Variants in AK7 observed in about 807,000 individuals in gnomAD.
AK7 encodes the protein ATP-AMP transphosphorylase 7.
AK7 carries 78 observed loss-of-function variants against 96.6 expected under a neutral mutation model. That is an observed-to-expected ratio of 0.81 (90% CI 0.67 to 0.97). AK7 has a LOEUF of 0.97. AK7 is among the 50% of genes least tolerant of loss of function. The pLI, the probability that AK7 is intolerant of heterozygous loss-of-function variation, is 0.00. For missense variants in AK7, 855 were observed against 887.9 expected (o/e 0.96, Z 0.47); for synonymous variants, 302 against 317.2 (o/e 0.95, Z 0.51).
At chr14:96,486,874 T>G (rs1211973731) in intron 16 of AK7, 24 bp from the exon 17 acceptor site, 5 of 1,609,536 alleles carry the variant, frequency 3.1e-6, no homozygotes, top group Admixed American at 1.7e-5. Flanking sequence ...CACATTTACT[T>G]TACCACCAAA....
intron 4 of AK7, among the ~76,000 whole-genome samples, chr14:96,413,730 T>A (rs1205312577): frequency 6.6e-6 from 1 of 152,246 alleles, no homozygotes; most frequent in Non-Finnish European, 1.5e-5. Flanking sequence ...TACATTATGC[T>A]TAATTGAAAT....
In AK7 at chr14:96,399,367, C is replaced by A. The variant is rs894231793; in HGVS notation, c.294+1104C>A. The A allele has an allele frequency of 1.3e-5, 2 of 152,504 alleles. No individual in the cohort carries two copies. The highest frequency in any genetic ancestry group is 4.8e-5 in the African/African-American group (2 of 41,434). The allele number at this position is 152,504 out of a possible 1,614,324, so 9.4% of individuals were successfully genotyped here. ...CCCCTGTCTTCCGGGTATTCTTTCCCATTCACCTCCCTTCTCTCTCTTCTT... is the reference window on the plus strand; with the variant it reads ...CCCCTGTCTTCCGGGTATTCTTTCCAATTCACCTCCCTTCTCTCTCTTCTT... On this transcript the variant is annotated intron_variant, in intron 2 of 17. Transcript: ENST00000267584. The surrounding 1 kb of genome is among the most constrained non-coding windows in gnomAD (Gnocchi z 4.1).
chr14:96,451,310 G>A (rs952123750), intron 9 of AK7, 111 bp from the exon 10 acceptor site: 15 of 925,632 alleles, frequency 1.6e-5, no homozygotes, highest in South Asian at 4.7e-5. Flanking sequence ...TGACTTCCAC[G>A]TTTAGTGAAT....
At chr14:96,405,386 G>A (rs1444016014) in intron 3 of AK7, among the ~76,000 whole-genome samples, 1 of 151,112 alleles carries the variant, frequency 6.6e-6, no homozygotes, top group African/African-American at 2.4e-5. Context: ...GACTTGCTAT[G>A]TTGTCCAGGC....
At chr14:96,395,539 T>G (rs1890016822) in intron 1 of AK7, among the ~76,000 whole-genome samples, 1 of 151,680 alleles carries the variant, frequency 6.6e-6, no homozygotes, top group Non-Finnish European at 1.5e-5. Flanking sequence ...ATGAACATGA[T>G]TGAGATTAGG....
intron 10 of AK7, among the ~76,000 whole-genome samples, chr14:96,454,367 A>G (rs1167814885): frequency 6.6e-6 from 1 of 152,096 alleles, no homozygotes; most frequent in Non-Finnish European, 1.5e-5. Context: ...TTAGAAATGA[A>G]TATTTACTCA....
intron 8 of AK7, among the ~76,000 whole-genome samples, chr14:96,448,811 C>T (rs771447849): frequency 1.3e-5 from 2 of 151,956 alleles, no homozygotes; most frequent in Non-Finnish European, 2.9e-5. Context: ...CAAAAATTAG[C>T]CAGGCGTGGT....
chr14:96,408,464 A>G (rs1428851052), intron 3 of AK7, among the ~76,000 whole-genome samples: 1 of 152,240 alleles, frequency 6.6e-6, no homozygotes. Flanking sequence ...TAAGGATCCT[A>G]TGATCCTTAC....
chr14:96,404,484 T>C (rs1393926129), intron 2 of AK7, among the ~76,000 whole-genome samples: 2 of 152,214 alleles, frequency 1.3e-5, no homozygotes, highest in African/African-American at 2.4e-5. Flanking sequence ...CCCTTCTGAA[T>C]TGGAGTTTAA....
At chr14:96,488,133 G>A (rs1451190387) in intron 17 of AK7, 172 bp from the exon 18 acceptor site, 6 of 502,340 alleles carry the variant, frequency 1.2e-5, no homozygotes, top group South Asian at 4.6e-5. Flanking sequence ...GGCTGGTCTC[G>A]AACTCCTGAC....
Position 96,451,153 on chromosome 14 carries a change from A to G in AK7, c.949-268A>G, listed in dbSNP as rs186914224. Among the ~76,000 whole-genome samples the G allele has an allele frequency of 5.9e-3, 905 of 152,306 alleles. 3 individuals carry two copies. Among genetic ancestry groups the G allele is most frequent in the Non-Finnish European group, 9.7e-3 (658 of 68,028 alleles). ...AGTATTCAAAAAGTAGACACAATTA[A>G]AATTTTTAAAAAAGAAAATTTGGAT... On this transcript the variant is annotated intron_variant, in intron 9 of 17. Transcript: ENST00000267584.
chr14:96,469,646 T>A (rs961310862), intron 12 of AK7, among the ~76,000 whole-genome samples: 1 of 152,208 alleles, frequency 6.6e-6, no homozygotes. Flanking sequence ...TGGGAAGTAA[T>A]GTAGAATCAT....
intron 5 of AK7, among the ~76,000 whole-genome samples, chr14:96,422,669 G>A (rs1300453794): frequency 6.6e-6 from 1 of 152,138 alleles, no homozygotes; most frequent in Non-Finnish European, 1.5e-5. Context: ...CGCGCTGTTG[G>A]CTCATTCTGG....
chr14:96,470,653 A>G (rs1333628898), intron 12 of AK7, among the ~76,000 whole-genome samples: 3 of 152,108 alleles, frequency 2.0e-5, no homozygotes, highest in Non-Finnish European at 4.4e-5. Flanking sequence ...CGGAGAAGGG[A>G]GCCGTGTTCT....
chr14:96,483,807 T>C (rs371239954), intron 16 of AK7, among the ~76,000 whole-genome samples: 18 of 152,364 alleles, frequency 1.2e-4, no homozygotes, highest in African/African-American at 3.8e-4. Flanking sequence ...CATTTTACTA[T>C]GCATTGACCT....
At chr14:96,468,296 C>CTT (rs67009492) in intron 12 of AK7, among the ~76,000 whole-genome samples, 2,822 of 98,372 alleles carry the variant, frequency 0.029, 65 homozygotes, top group African/African-American at 0.045. Flanking sequence ...GCACTCTTTC[C>CTT]TTTTTTTTTT....
In AK7 at chr14:96,438,095, C is replaced by A. The variant is rs561087724; in HGVS notation, c.690+180C>A. Among the ~76,000 whole-genome samples the A allele has an allele frequency of 2.6e-5, 4 of 152,258 alleles. 1 individual carries two copies. The highest frequency in any genetic ancestry group is 9.6e-5 in the African/African-American group (4 of 41,542). ...CTTTCCCATTATTAACTTGTATTCA[C>A]CACTCTCAAAATAATAATGAAAAAG... On this transcript the variant is annotated intron_variant, in intron 6 of 17. Coordinates refer to ENST00000267584, the MANE Select transcript of AK7 (RefSeq NM_152327.5).
intron 5 of AK7, among the ~76,000 whole-genome samples, chr14:96,427,106 G>T (rs559029958): frequency 1.3e-5 from 2 of 152,158 alleles, no homozygotes; most frequent in Non-Finnish European, 2.9e-5. Flanking sequence ...TTAGCCAGGC[G>T]TGGTAGTGCA....
rs377456389 is a variant in AK7 at position 96,437,935 on chromosome 14, C to G, written c.690+20C>G. 10 of 1,601,702 alleles carry G rather than the reference C, an allele frequency of 6.2e-6. No individual in the cohort carries two copies. The highest frequency in any genetic ancestry group is 1.1e-5 in the South Asian group (1 of 90,230). ...TTTAAGGTATGGCTTTCAATGATGA[C>G]GTGGAATGTTTAAAAGTGTCTTACG... On this transcript the variant is annotated intron_variant, in intron 6 of 17. Coordinates refer to ENST00000267584, the MANE Select transcript of AK7 (RefSeq NM_152327.5).
Sources: gnomAD v4.1 joint callset for allele counts (sites outside exome capture counted in the v4.1 genomes callset) on GRCh38, gnomAD v4.1.1 for gene constraint, Gnocchi (gnomAD v3.1) non-coding constraint, MANE v1.5 for transcripts, NCBI Gene and HGNC (gene_info 2026-07-23, HGNC 2026-07-21) for gene names.